OSBPL1A: variants seen among roughly 807,000 people sequenced by gnomAD.
The protein encoded by OSBPL1A is oxysterol-binding protein-related protein 1.
OSBPL1A carries 80 observed loss-of-function variants against 137.1 expected under a neutral mutation model. That is an observed-to-expected ratio of 0.58 (90% CI 0.49 to 0.70). OSBPL1A has a LOEUF of 0.70. Among genes scored for constraint, OSBPL1A ranks in the 30% least tolerant of loss-of-function variants. OSBPL1A has a pLI of 0.00. For missense variants in OSBPL1A, 970 were observed against 1,129.4 expected, an observed-to-expected ratio of 0.86 and a Z score of 2.02; for synonymous variants, 365 against 389.7, an observed-to-expected ratio of 0.94 and a Z score of 0.75.
intron 5 of OSBPL1A, among the ~76,000 whole-genome samples, chr18:24,337,635 A>C (rs1231256166): frequency 1.3e-5 from 2 of 151,294 alleles, no homozygotes; most frequent in African/African-American, 4.8e-5. Context: ...ATAAAAGGAG[A>C]TGAAAGGGAT....
chr18:24,377,635 A>C (rs113716070), intron 1 of OSBPL1A, 100 bp from the exon 2 acceptor site: 1 of 1,224,966 alleles, frequency 8.2e-7, no homozygotes, highest in Non-Finnish European at 1.1e-6. Flanking sequence ...CTCATTTTGC[A>C]GCTGATAAGA....
intron 14 of OSBPL1A, among the ~76,000 whole-genome samples, chr18:24,298,143 A>C (rs2090326128): frequency 6.6e-6 from 1 of 152,162 alleles, no homozygotes; most frequent in Non-Finnish European, 1.5e-5. Context: ...CAACAGTGCC[A>C]TGACAGTTTA....
Position 24,201,990 on chromosome 18 carries a change from G to A in OSBPL1A, c.1602-5790C>T, listed in dbSNP as rs961195704. On this transcript the variant is annotated intron_variant, in intron 17 of 27. Transcript: ENST00000319481. ...CAAAATTAAGCTTCATCTGGAATTG[G>A]CTGCCAGGCGTTTCATGCTTTCCAG... 2.0e-5 allele frequency among the ~76,000 whole-genome samples: 3 copies of A among 152,144 alleles called. No individual in the cohort carries two copies. The East Asian group carries it at 5.8e-4, about 29-fold the overall frequency.
rs749558777 is a variant in OSBPL1A, at chr18:24,220,819, G to GT, written c.1601+4222dup. Reference sequence around the variant, plus strand: ...GGAAGTGAGATTTTGTTTTGTTTTGGTTTTTTTTTTTGAGACAGAGTCTCG... The same window carrying GT: ...GGAAGTGAGATTTTGTTTTGTTTTGGTTTTTTTTTTTTGAGACAGAGTCTCG... On this transcript the variant is annotated intron_variant, in intron 17 of 27. Coordinates refer to ENST00000319481, the MANE Select transcript of OSBPL1A (RefSeq NM_080597.4). 5.6e-3 allele frequency among the ~76,000 whole-genome samples: 821 copies of GT among 145,856 alleles called. 3 individuals are homozygous for GT. The highest frequency in any genetic ancestry group is 0.011 in the African/African-American group (447 of 40,056).
At chr18:24,318,956 T>G in intron 7 of OSBPL1A, 147 bp from the exon 8 acceptor site, 1 of 692,200 alleles carries the variant, frequency 1.4e-6, no homozygotes, top group Non-Finnish European at 2.5e-6. Context: ...AGAGAGAGGT[T>G]GCCATCTCAA....
At chr18:24,279,890 A>T (rs2089922912) in intron 15 of OSBPL1A, among the ~76,000 whole-genome samples, 1 of 151,990 alleles carries the variant, frequency 6.6e-6, no homozygotes, top group African/African-American at 2.4e-5. Context: ...CTCAGGCTGG[A>T]GTACAGTAGT....
chr18:24,304,001 T>C (rs970711005), intron 13 of OSBPL1A, among the ~76,000 whole-genome samples: 1 of 152,230 alleles, frequency 6.6e-6, no homozygotes, highest in Non-Finnish European at 1.5e-5. Context: ...TATCTCATTA[T>C]GCCATGTGTA....
chr18:24,298,836 T>C (rs990991425), intron 14 of OSBPL1A, among the ~76,000 whole-genome samples: 4 of 152,342 alleles, frequency 2.6e-5, no homozygotes, highest in African/African-American at 9.6e-5. Context: ...AATACTGAAG[T>C]TCGCACTATT....
At position 24,397,801 on chromosome 18, in the gene OSBPL1A, T is replaced by TCCGGGACCCGGCG. The variant is rs1302912778; in HGVS notation, c.-162_-150dup. 2 of 152,270 alleles carry TCCGGGACCCGGCG rather than the reference T, an allele frequency of 1.3e-5. No individual in the cohort carries two copies. Among genetic ancestry groups the TCCGGGACCCGGCG allele is most frequent in the Non-Finnish European group, 2.9e-5 (2 of 68,070 alleles). 9.4% of individuals were successfully genotyped at this position (152,270 alleles called of 1,614,324 possible). On this transcript the variant is annotated 5_prime_UTR_variant, in exon 1 of 28. Coordinates refer to ENST00000319481, the MANE Select transcript of OSBPL1A (RefSeq NM_080597.4). ...CGCTCGAGCCCGCGTAACGTCTGTCTCCGGGACCCGGCGCCGGGACCACGG... is the reference window on the plus strand; with the variant it reads ...CGCTCGAGCCCGCGTAACGTCTGTCTCCGGGACCCGGCGCCGGGACCCGGCGCCGGGACCACGG...
intron 15 of OSBPL1A, among the ~76,000 whole-genome samples, chr18:24,252,532 C>T (rs769490883): frequency 3.9e-4 from 20 of 51,828 alleles, no homozygotes; most frequent in Non-Finnish European, 9.2e-4. Context: ...AAAAAAAATG[C>T]TGAGGGATTT....
intron 15 of OSBPL1A, among the ~76,000 whole-genome samples, chr18:24,252,821 G>A (rs925479002): frequency 5.3e-5 from 8 of 152,098 alleles, no homozygotes; most frequent in Admixed American, 1.3e-4. Flanking sequence ...TAAAAAGCCG[G>A]GAGAATGAAG....
intron 15 of OSBPL1A, among the ~76,000 whole-genome samples, chr18:24,244,591 A>G (rs1022744865): frequency 6.6e-6 from 1 of 152,252 alleles, no homozygotes; most frequent in Non-Finnish European, 1.5e-5. Flanking sequence ...ATACGCATTG[A>G]TCTGTGTCTG....
At chr18:24,384,698 C>T (rs916342686) in intron 1 of OSBPL1A, among the ~76,000 whole-genome samples, 5 of 151,672 alleles carry the variant, frequency 3.3e-5, no homozygotes, top group Non-Finnish European at 5.9e-5. Context: ...GGTGAAACCC[C>T]GTCTCTACTA....
At chr18:24,332,880 T>C in intron 7 of OSBPL1A, 62 bp downstream of exon 7, 5 of 1,567,982 alleles carry the variant, frequency 3.2e-6, no homozygotes, top group Non-Finnish European at 4.4e-6. Flanking sequence ...CAATTTTATA[T>C]GGCATTGACT....
At chr18:24,180,344 C>CTGT (rs2086568752) in intron 19 of OSBPL1A, among the ~76,000 whole-genome samples, 1 of 152,112 alleles carries the variant, frequency 6.6e-6, no homozygotes, top group Non-Finnish European at 1.5e-5. Flanking sequence ...CATCCATGTA[C>CTGT]AACATATACA....
Position 24,166,702 on chromosome 18 carries a change from T to C in OSBPL1A, c.2536A>G (p.Met846Val). Reference sequence around the variant, plus strand: ...ATTGCAAAACTAGTAAAATTATACATCTGAAAAGAAGCAAAAGGAAGAAAT... The same window carrying C: ...ATTGCAAAACTAGTAAAATTATACACCTGAAAAGAAGCAAAAGGAAGAAAT... The part of the protein sequence containing the change: ...IAPRPPNSAQ[M>V]YNFTSFAMVL... Residue 846 changes from methionine to valine, a missense_variant and splice_region_variant, in exon 26 of 28, where the codon ATG (methionine) becomes GTG (valine). Physicochemically the swap from Met to Val is conservative, Grantham distance 21. Transcript: ENST00000319481. The C allele has an allele frequency of 6.2e-7, 1 of 1,603,312 alleles. No individual in the cohort carries two copies.
At chr18:24,309,107 G>T (rs977148092) in intron 13 of OSBPL1A, among the ~76,000 whole-genome samples, 2 of 152,184 alleles carry the variant, frequency 1.3e-5, no homozygotes, top group African/African-American at 4.8e-5. Context: ...TAATTTAAAT[G>T]TAAATAGCCA....
intron 13 of OSBPL1A, among the ~76,000 whole-genome samples, chr18:24,304,277 G>A (rs1482471580): frequency 6.6e-6 from 1 of 152,060 alleles, no homozygotes; most frequent in East Asian, 1.9e-4. Flanking sequence ...GTCAATTATA[G>A]AAAGCATTCT....
At chr18:24,208,935 A>G (rs1348540881) in intron 17 of OSBPL1A, among the ~76,000 whole-genome samples, 1 of 152,234 alleles carries the variant, frequency 6.6e-6, no homozygotes, top group Non-Finnish European at 1.5e-5. Context: ...GACACTGACC[A>G]AGTTAACTTC....
Sources: allele counts gnomAD v4.1 joint callset (sites outside exome capture counted in the v4.1 genomes callset), GRCh38; gene constraint gnomAD v4.1.1; transcripts MANE v1.5; gene names NCBI Gene and HGNC (gene_info 2026-07-23, HGNC 2026-07-21).